UTRN: variants seen among roughly 807,000 people sequenced by gnomAD.
UTRN encodes utrophin, also known as dystrophin-related protein 1.
A neutral mutation model predicts 463.9 loss-of-function variants in UTRN; 283 were observed. That is an observed-to-expected ratio of 0.61 (90% CI 0.55 to 0.67). UTRN has a LOEUF of 0.67. Ranked by LOEUF, UTRN falls within the 30% of genes least tolerant of loss-of-function variation. The pLI is 0.00. For missense variants in UTRN, 3,922 were observed against 4,084.3 expected (o/e 0.96, Z 1.08); for synonymous variants, 1,442 against 1,431.5 (o/e 1.01, Z -0.17).
chr6:144,314,216 GA>G lies in UTRN; in HGVS notation c.79+22319del, dbSNP rs796314658. Among the ~76,000 whole-genome samples, 1,084 of 149,904 alleles carry G rather than the reference GA, an allele frequency of 7.2e-3. 12 individuals are homozygous for G. Among genetic ancestry groups the G allele is most frequent in the African/African-American group, 0.025 (1,015 of 40,964 alleles). On this transcript the variant is annotated intron_variant, in intron 2 of 74. Coordinates refer to ENST00000367545, the MANE Select transcript of UTRN (RefSeq NM_007124.3). ...AACTAAGATTCACTTTGAAAATCTAGAAAAAAAAAATGACTACACAAGTCAT... is the reference window on the plus strand; with the variant it reads ...AACTAAGATTCACTTTGAAAATCTAGAAAAAAAAATGACTACACAAGTCAT...
At chr6:144,816,535 A>T (rs1178271775) in intron 65 of UTRN, among the ~76,000 whole-genome samples, 3 of 152,142 alleles carry the variant, frequency 2.0e-5, no homozygotes, top group Non-Finnish European at 2.9e-5. Context: ...AAAATAAATC[A>T]GTCTAGTCAC....
intron 2 of UTRN, among the ~76,000 whole-genome samples, chr6:144,359,187 G>T (rs1259460370): frequency 6.6e-6 from 1 of 152,220 alleles, no homozygotes; most frequent in East Asian, 1.9e-4. Context: ...TGTCCACCGT[G>T]AGACAGTTCC....
chr6:144,357,517 T>C (rs1355289066), intron 2 of UTRN, among the ~76,000 whole-genome samples: 1 of 152,232 alleles, frequency 6.6e-6, no homozygotes, highest in Non-Finnish European at 1.5e-5. Flanking sequence ...GATGCTTACA[T>C]TGTGTAAACA....
chr6:144,547,651 C>T (rs1244916749), intron 46 of UTRN, among the ~76,000 whole-genome samples: 1 of 152,170 alleles, frequency 6.6e-6, no homozygotes, highest in African/African-American at 2.4e-5. Context: ...TTCTCTGCCA[C>T]CTACACATTG....
intron 73 of UTRN, among the ~76,000 whole-genome samples, chr6:144,844,342 C>A (rs965775736): frequency 6.6e-6 from 1 of 151,296 alleles, no homozygotes; most frequent in Non-Finnish European, 1.5e-5. Flanking sequence ...GATCTCAGGT[C>A]TGTATAACCT....
rs779612563 is a variant in UTRN, at chr6:144,523,234, A to G, written c.5906+46A>G. 30 of 1,422,580 alleles carry G rather than the reference A, an allele frequency of 2.1e-5. No homozygotes were observed. In the East Asian group the frequency reaches 7.8e-4, roughly 37 times the overall value. 88.1% of individuals were successfully genotyped at this position (1,422,580 alleles called of 1,614,324 possible). A position where few individuals can be genotyped will look rare whatever the true frequency, so the allele number is the denominator to read the frequency against. ...TATTTAATTTAAAAAAATGCCTGCA[A>G]GTTCATGGGCGTGAAGAAGATCATG... On this transcript the variant is annotated intron_variant, in intron 41 of 74. Coordinates refer to ENST00000367545, the MANE Select transcript of UTRN (RefSeq NM_007124.3).
chr6:144,496,828 T>C (rs1286216611), intron 33 of UTRN, among the ~76,000 whole-genome samples: 4 of 152,174 alleles, frequency 2.6e-5, no homozygotes, highest in Non-Finnish European at 5.9e-5. Context: ...GAGGAGGTGA[T>C]GCATAAGCCG....
At chr6:144,410,048 T>A (rs1183466566) in intron 3 of UTRN, among the ~76,000 whole-genome samples, 1 of 152,178 alleles carries the variant, frequency 6.6e-6, no homozygotes, top group Non-Finnish European at 1.5e-5. Context: ...TCTCAACAAC[T>A]CCTGTGTTTA....
chr6:144,600,523 A>C (rs1804135243), intron 51 of UTRN, among the ~76,000 whole-genome samples: 1 of 152,246 alleles, frequency 6.6e-6, no homozygotes, highest in Non-Finnish European at 1.5e-5. Flanking sequence ...GCCAAAGCCT[A>C]ATCCAGAGCA....
intron 2 of UTRN, among the ~76,000 whole-genome samples, chr6:144,402,203 C>T (rs961167237): frequency 2.0e-5 from 3 of 152,192 alleles, no homozygotes; most frequent in Non-Finnish European, 2.9e-5. Context: ...ACCAGCTCTT[C>T]GTCAAGTGCT....
intron 51 of UTRN, among the ~76,000 whole-genome samples, chr6:144,577,967 C>T (rs1801601167): frequency 6.6e-6 from 1 of 152,144 alleles, no homozygotes; most frequent in Non-Finnish European, 1.5e-5. Context: ...CTTTGGGAGG[C>T]CAAGGTGCGT....
In UTRN at chr6:144,429,611, C is replaced by G; in HGVS notation, c.725C>G (p.Ser242Cys). The G allele has an allele frequency of 1.9e-6, 3 of 1,606,142 alleles. No homozygotes were observed. The highest frequency in any genetic ancestry group is 2.2e-5 in the South Asian group (2 of 89,772). The change falls in exon 9 of 75, where the codon TCC (serine) becomes TGC (cysteine). Residue 242 changes from serine (S) to cysteine (C), a missense_variant. Around this residue, in one of 3 missense-constraint regions of UTRN, gnomAD observed 264 missense variants for 327.9 expected, o/e 0.81. Coordinates refer to ENST00000367545, the MANE Select transcript of UTRN (RefSeq NM_007124.3). ...DVAVQLPDKKSIIMYLTSLFE... is the reference protein window; with the variant it reads ...DVAVQLPDKKCIIMYLTSLFE... ...GCCGTTCAGCTTCCTGACAAGAAAT[C>G]CATAATTATGTATTTAACATCTTTG...
intron 27 of UTRN, among the ~76,000 whole-genome samples, chr6:144,483,278 T>G (rs576765423): frequency 6.6e-6 from 1 of 152,368 alleles, no homozygotes; most frequent in South Asian, 2.1e-4. Context: ...ATCTGTCTGC[T>G]TCTTGGAAGT....
chr6:144,765,501 A>G lies in UTRN; in HGVS notation c.8496-6406A>G, dbSNP rs1231568790. 2.0e-5 allele frequency among the ~76,000 whole-genome samples: 3 copies of G among 151,952 alleles called. No individual in the cohort carries two copies. In the East Asian group the frequency reaches 5.8e-4, roughly 29 times the overall value. On this transcript the variant is annotated intron_variant, in intron 58 of 74. Coordinates refer to ENST00000367545, the MANE Select transcript of UTRN (RefSeq NM_007124.3). ...CAACCATGGCTCATTGCAGTCTTAT[A>G]CTCCTGGCCTCAAGTGAACCTCCTG...
At chr6:144,662,241 T>C (rs995760899) in intron 51 of UTRN, among the ~76,000 whole-genome samples, 1 of 152,190 alleles carries the variant, frequency 6.6e-6, no homozygotes, top group African/African-American at 2.4e-5. Context: ...ACAAAATCTG[T>C]CTCATATATT....
intron 7 of UTRN, among the ~76,000 whole-genome samples, chr6:144,427,631 T>G (rs1242932888): frequency 2.0e-5 from 3 of 152,212 alleles, no homozygotes; most frequent in African/African-American, 7.2e-5. Flanking sequence ...TGTTTTACCA[T>G]AAGAATGATA....
At chr6:144,320,092 T>C (rs879500185) in intron 2 of UTRN, among the ~76,000 whole-genome samples, 14 of 152,148 alleles carry the variant, frequency 9.2e-5, no homozygotes, top group Non-Finnish European at 1.6e-4. Flanking sequence ...GACCTCGTGA[T>C]CCGCCCGCCT....
intron 51 of UTRN, among the ~76,000 whole-genome samples, chr6:144,643,427 G>C (rs1777959989): frequency 1.3e-5 from 2 of 152,178 alleles, no homozygotes; most frequent in Non-Finnish European, 2.9e-5. Flanking sequence ...TTTCCTGTAA[G>C]AGAGTAGGTT....
At chr6:144,660,665 A>G (rs1779782951) in intron 51 of UTRN, among the ~76,000 whole-genome samples, 1 of 152,184 alleles carries the variant, frequency 6.6e-6, no homozygotes, top group South Asian at 2.1e-4. Context: ...TCTGTTCTCC[A>G]TACCCCTCAG....
Sources: allele counts gnomAD v4.1 joint callset (sites outside exome capture counted in the v4.1 genomes callset), GRCh38; gene constraint gnomAD v4.1.1; regional missense constraint gnomAD v4.1.1; transcripts MANE v1.5; gene names NCBI Gene and HGNC (gene_info 2026-07-23, HGNC 2026-07-21).